The following DIS3L2 variants were observed in gnomAD, a reference collection of about 807,000 sequenced individuals.
DIS3L2 encodes the protein DIS3-like exonuclease 2.
Under a neutral mutation model 97.5 loss-of-function variants are expected in DIS3L2, and 34 were observed. The ratio of observed to expected loss-of-function variants is 0.35; its 90% CI spans 0.27 to 0.46. The LOEUF (loss-of-function observed/expected upper bound fraction) is 0.46. DIS3L2 is among the 20% of genes least tolerant of loss of function. The pLI, the probability that DIS3L2 is intolerant of heterozygous loss-of-function variation, is 1.00. For missense variants in DIS3L2, 1,038 were observed against 1,146.0 expected, an observed-to-expected ratio of 0.91 and a Z score of 1.36; for synonymous variants, 435 against 445.2, an observed-to-expected ratio of 0.98 and a Z score of 0.29.
intron 1 of DIS3L2, among the ~76,000 whole-genome samples, chr2:232,000,727 T>C (rs1693870296): frequency 9.6e-6 from 1 of 103,780 alleles, no homozygotes; most frequent in East Asian, 3.7e-4. Flanking sequence ...TTCTTCTTCT[T>C]TTTTTTTTTT....
At chr2:232,280,189 C>T (rs1694245376) in intron 13 of DIS3L2, among the ~76,000 whole-genome samples, 2 of 152,134 alleles carry the variant, frequency 1.3e-5, no homozygotes, top group South Asian at 4.1e-4. Context: ...AAAACAGTTG[C>T]ACCTGAGAAG....
At chr2:232,136,011 G>A (rs1022973910) in intron 7 of DIS3L2, among the ~76,000 whole-genome samples, 1 of 152,134 alleles carries the variant, frequency 6.6e-6, no homozygotes. Flanking sequence ...AAAGAAGGAA[G>A]ATCAAATATT....
chr2:232,309,893 G>A (rs1173446854), intron 14 of DIS3L2, among the ~76,000 whole-genome samples: 2 of 152,194 alleles, frequency 1.3e-5, no homozygotes, highest in East Asian at 3.8e-4. Flanking sequence ...TTGAGGAGGG[G>A]ACAGAGCAGG....
intron 7 of DIS3L2, among the ~76,000 whole-genome samples, chr2:232,132,911 C>T (rs1405248998): frequency 1.3e-5 from 2 of 152,102 alleles, no homozygotes; most frequent in East Asian, 1.9e-4. Context: ...CCAGAAAACA[C>T]CAGGAAAGGG....
chr2:232,162,112 A>G (rs766074971), intron 8 of DIS3L2, among the ~76,000 whole-genome samples: 4 of 151,886 alleles, frequency 2.6e-5, no homozygotes, highest in South Asian at 4.2e-4. Context: ...TCTTTAACCT[A>G]TGGGTTGTTG....
At chr2:232,295,658 G>A (rs1694706563) in intron 13 of DIS3L2, among the ~76,000 whole-genome samples, 1 of 152,054 alleles carries the variant, frequency 6.6e-6, no homozygotes, top group South Asian at 2.1e-4. Flanking sequence ...CATGAATCTT[G>A]CCTCTTCCCT....
intron 5 of DIS3L2, among the ~76,000 whole-genome samples, chr2:232,062,328 G>T (rs1695735623): frequency 6.6e-6 from 1 of 152,174 alleles, no homozygotes; most frequent in Non-Finnish European, 1.5e-5. Context: ...CTTGAAGGGA[G>T]AGAAGGCACT....
intron 9 of DIS3L2, among the ~76,000 whole-genome samples, chr2:232,186,663 C>A (rs985825045): frequency 6.6e-6 from 1 of 152,136 alleles, no homozygotes; most frequent in Non-Finnish European, 1.5e-5. Flanking sequence ...TTTAGCTAAT[C>A]AAATCCAGCA....
At chr2:232,108,571 A>G (rs1162569854) in intron 6 of DIS3L2, among the ~76,000 whole-genome samples, 3 of 152,234 alleles carry the variant, frequency 2.0e-5, no homozygotes, top group Admixed American at 1.3e-4. Flanking sequence ...GGCAAGAGAA[A>G]GAAATAAAGG....
At chr2:232,201,933 T>C (rs985601871) in intron 9 of DIS3L2, among the ~76,000 whole-genome samples, 3 of 152,190 alleles carry the variant, frequency 2.0e-5, no homozygotes, top group Non-Finnish European at 2.9e-5. Context: ...TTACTATTCT[T>C]TCAACTTTCC....
chr2:232,089,550 G>A (rs149666096), intron 6 of DIS3L2, among the ~76,000 whole-genome samples: 2 of 152,272 alleles, frequency 1.3e-5, no homozygotes, highest in African/African-American at 4.8e-5. Context: ...AAATAACCAG[G>A]ACTCTAAGTA....
intron 1 of DIS3L2, among the ~76,000 whole-genome samples, chr2:231,971,522 A>G (rs1018413719): frequency 6.6e-6 from 1 of 151,818 alleles, no homozygotes; most frequent in African/African-American, 2.4e-5. Flanking sequence ...ATCTCGGCTC[A>G]CTGCAAGCTC....
chr2:232,246,034 G>T (rs1356719995), intron 11 of DIS3L2, among the ~76,000 whole-genome samples: 1 of 152,224 alleles, frequency 6.6e-6, no homozygotes, highest in African/African-American at 2.4e-5. Context: ...CAGGTGTAGA[G>T]AGAGACAGGA....
intron 13 of DIS3L2, among the ~76,000 whole-genome samples, chr2:232,264,299 A>G (rs538700151): frequency 4.2e-4 from 64 of 152,298 alleles, no homozygotes; most frequent in South Asian, 1.0e-3. Context: ...CCCGGCAGTT[A>G]GGGACCCCTG....
rs1694916623 is a variant in DIS3L2 at position 232,303,618 on chromosome 2, C to G, written c.1739+3499C>G. Among the ~76,000 whole-genome samples, 5 of 152,328 alleles carry G rather than the reference C, an allele frequency of 3.3e-5. No individual in the cohort carries two copies. The South Asian group carries it at 1.0e-3, about 32-fold the overall frequency. On this transcript the variant is annotated intron_variant, in intron 14 of 20. Transcript: ENST00000325385. Reference sequence around the variant, plus strand: ...CAGAAAAAGTTGTTCTGAATAAGTGCTGAGGCTGTTGGATGGTTCTCCCAA... The same window carrying G: ...CAGAAAAAGTTGTTCTGAATAAGTGGTGAGGCTGTTGGATGGTTCTCCCAA...
chr2:232,191,499 T>C lies in DIS3L2; in HGVS notation c.1125-18827T>C, dbSNP rs149623509. Among the ~76,000 whole-genome samples the C allele has an allele frequency of 8.5e-5, 13 of 152,328 alleles. No individual in the cohort carries two copies. The East Asian group carries it at 2.5e-3, about 29-fold the overall frequency. Reference sequence around the variant, plus strand: ...GAAGCTCATGAATTGGCTTAGAAAGTAATCCTTAAAAAATCACAAGAACCA... The same window carrying C: ...GAAGCTCATGAATTGGCTTAGAAAGCAATCCTTAAAAAATCACAAGAACCA... On this transcript the variant is annotated intron_variant, in intron 9 of 20. Transcript: ENST00000325385.
intron 13 of DIS3L2, among the ~76,000 whole-genome samples, chr2:232,286,124 G>A (rs1356589254): frequency 6.6e-6 from 1 of 152,214 alleles, no homozygotes; most frequent in African/African-American, 2.4e-5. Flanking sequence ...TAGTGCTGAG[G>A]TTCTGGGCAG....
At chr2:231,985,535 C>T (rs1693385847) in intron 1 of DIS3L2, among the ~76,000 whole-genome samples, 1 of 152,180 alleles carries the variant, frequency 6.6e-6, no homozygotes, top group Non-Finnish European at 1.5e-5. Context: ...CTGCCGTCAG[C>T]GTTCATGTGC....
At chr2:232,142,172 T>C (rs1330433616) in intron 8 of DIS3L2, among the ~76,000 whole-genome samples, 1 of 151,934 alleles carries the variant, frequency 6.6e-6, no homozygotes, top group Admixed American at 6.6e-5. Context: ...TTTCAAGGGG[T>C]ATGGACCTGG....
Sources: gnomAD v4.1 joint callset for allele counts (sites outside exome capture counted in the v4.1 genomes callset) on GRCh38, gnomAD v4.1.1 for gene constraint, MANE v1.5 for transcripts, NCBI Gene and HGNC (gene_info 2026-07-23, HGNC 2026-07-21) for gene names.